Variants in SASH1 observed in about 807,000 individuals in gnomAD.
The protein encoded by SASH1 is SAM and SH3 domain containing 1, also known as SAM and SH3 domain-containing protein 1.
In SASH1, 44 loss-of-function variants were observed where a neutral mutation model predicts 125.2. The observed-to-expected ratio is 0.35, with a 90% confidence interval of 0.28 to 0.45. SASH1 has a LOEUF of 0.45. SASH1 is among the 20% of genes least tolerant of loss of function. The probability of loss-of-function intolerance (pLI) is 1.00; values close to 1 mark genes in which losing one functional copy is unlikely to be tolerated. For synonymous variants in SASH1, 639 were observed against 649.1 expected (o/e 0.98, Z 0.24); for missense variants, 1,426 against 1,614.5 (o/e 0.88, Z 2.00).
chr6:148,526,933 C>T (rs189503717), intron 11 of SASH1, among the ~76,000 whole-genome samples: 81 of 150,656 alleles, frequency 5.4e-4, no homozygotes, highest in Non-Finnish European at 9.4e-4. Context: ...AGTGCAGTGA[C>T]GCGATCTCAG....
chr6:148,341,657 G>GAAAAC (rs536485001), upstream of SASH1, among the ~76,000 whole-genome samples: 283 of 150,906 alleles, frequency 1.9e-3, no homozygotes, highest in Middle Eastern at 6.8e-3. Flanking sequence ...GACTCAGAAG[G>GAAAAC]AAAACAAAAC....
chr6:148,404,249 A>G (rs1255192919), intron 2 of SASH1, among the ~76,000 whole-genome samples: 1 of 152,216 alleles, frequency 6.6e-6, no homozygotes, highest in Non-Finnish European at 1.5e-5. Flanking sequence ...TTATTACAGA[A>G]TGAACCTGCT....
chr6:148,408,020 T>A (rs1041294007), intron 2 of SASH1, among the ~76,000 whole-genome samples: 1 of 152,192 alleles, frequency 6.6e-6, no homozygotes, highest in Non-Finnish European at 1.5e-5. Flanking sequence ...TAATTTCTCG[T>A]CATCCTTGCT....
chr6:148,453,582 A>T (rs564126853), intron 4 of SASH1, among the ~76,000 whole-genome samples: 1 of 152,250 alleles, frequency 6.6e-6, no homozygotes, highest in South Asian at 2.1e-4. Context: ...ACTGCTTCTC[A>T]TCCACCCAAC....
chr6:148,543,688 C>T lies in SASH1; in HGVS notation c.2218C>T (p.Arg740Trp), dbSNP rs1583334771. The change falls in exon 18 of 20, where the codon CGG (arginine) becomes TGG (tryptophan). Residue 740 changes from arginine to tryptophan, a missense_variant. Arg to Trp is a moderately radical substitution (Grantham distance 101, BLOSUM62 -3). Transcript: ENST00000367467. ...ATTCCCTTGTCTCACAGGCAAGACT[C>T]GGAAAGCTAGCCTCCTATCTGCCAA... ...SSENLENGKT[R>W]KASLLSAKSS... 1.6e-5 allele frequency: 25 copies of T among 1,531,852 alleles called. No homozygotes were observed. The highest frequency in any genetic ancestry group is 2.3e-5 in the East Asian group (1 of 44,034). 94.9% of individuals were successfully genotyped at this position (1,531,852 alleles called of 1,614,324 possible). A position where few individuals can be genotyped will look rare whatever the true frequency, so the allele number is the denominator to read the frequency against.
chr6:148,281,458 C>T (rs1779339772), intron 1 of SASH1, among the ~76,000 whole-genome samples: 1 of 152,086 alleles, frequency 6.6e-6, no homozygotes, highest in African/African-American at 2.4e-5. Flanking sequence ...AGGGAATGTG[C>T]AAAGCACAAC....
intron 8 of SASH1, among the ~76,000 whole-genome samples, chr6:148,503,005 C>T (rs28385581): frequency 0.19 from 28,714 of 152,154 alleles, 2,924 homozygotes; most frequent in African/African-American, 0.27. Flanking sequence ...TACCCTCAGA[C>T]GTCTAGATGA....
Position 148,532,706 on chromosome 6 carries a change from A to G in SASH1, c.1565-91A>G, listed in dbSNP as rs1487815458. On this transcript the variant is annotated intron_variant, in intron 13 of 19. Coordinates refer to ENST00000367467, the MANE Select transcript of SASH1 (RefSeq NM_015278.5). The surrounding 1 kb of genome is among the most constrained non-coding windows in gnomAD (Gnocchi z 4.7). Reference sequence around the variant, plus strand: ...CAAGGCTTCCTTTCTCTGGGCCTTCATTTCCTAATCTGCCATACCTTCAAT... The same window carrying G: ...CAAGGCTTCCTTTCTCTGGGCCTTCGTTTCCTAATCTGCCATACCTTCAAT... 2.7e-6 allele frequency: 4 copies of G among 1,467,612 alleles called. No homozygotes were observed. In the African/African-American group the frequency reaches 4.2e-5, roughly 15 times the overall value. 90.9% of individuals were successfully genotyped at this position (1,467,612 alleles called of 1,614,324 possible). A position where few individuals can be genotyped will look rare whatever the true frequency, so the allele number is the denominator to read the frequency against.
intron 2 of SASH1, among the ~76,000 whole-genome samples, chr6:148,420,219 G>A (rs1234782477): frequency 1.3e-5 from 2 of 152,080 alleles, no homozygotes; most frequent in Non-Finnish European, 2.9e-5. Context: ...GTGTGTGTAT[G>A]TAAATTTTAG....
intron 4 of SASH1, among the ~76,000 whole-genome samples, chr6:148,443,293 GT>G (rs1033303997): frequency 6.6e-6 from 1 of 150,718 alleles, no homozygotes; most frequent in East Asian, 1.9e-4. Flanking sequence ...TTGTTTTTGT[GT>G]TTTTTTGCGC....
intron 1 of SASH1, among the ~76,000 whole-genome samples, chr6:148,382,518 G>A (rs1469420502): frequency 1.3e-5 from 2 of 152,148 alleles, no homozygotes; most frequent in Admixed American, 1.3e-4. Flanking sequence ...TCGAATTCCC[G>A]ACCTCAGGTG....
chr6:148,522,316 A>C (rs1158606537), intron 10 of SASH1, among the ~76,000 whole-genome samples: 3 of 144,088 alleles, frequency 2.1e-5, no homozygotes, highest in Admixed American at 2.0e-4. Context: ...GAATGTAAAT[A>C]AGTGTTCTAT....
chr6:148,198,949 C>T, the SASH1 span, among the ~76,000 whole-genome samples: 2 of 152,132 alleles, frequency 1.3e-5, no homozygotes, highest in East Asian at 1.9e-4. Flanking sequence ...GAGTACTTAT[C>T]GGGGCCTGTG....
chr6:148,302,676 CACACGG>C (rs199646672), intron 1 of SASH1, among the ~76,000 whole-genome samples: 8,270 of 79,146 alleles, frequency 0.1, 317 homozygotes, highest in Admixed American at 0.18. Flanking sequence ...CACACACACA[CACACGG>C]AGAAATATAT....
chr6:148,433,145 C>T (rs1048803835), intron 2 of SASH1, among the ~76,000 whole-genome samples: 7 of 152,150 alleles, frequency 4.6e-5, no homozygotes, highest in African/African-American at 1.2e-4. Flanking sequence ...ATTTTTTCTA[C>T]AAATTGTCCA....
intron 2 of SASH1, among the ~76,000 whole-genome samples, chr6:148,434,802 C>T (rs1348614129): frequency 6.6e-6 from 1 of 152,114 alleles, no homozygotes; most frequent in Non-Finnish European, 1.5e-5. Flanking sequence ...GTTCAGCCAC[C>T]AGTGTTGTGT....
At position 148,343,130 on chromosome 6, in the gene SASH1, C is replaced by T; in HGVS notation, c.63C>T (p.Pro21=). ...PEPEPEPEPE[P]EPAPEPEPEP... The stretch of plus-strand genomic sequence containing the variant: ...CTGAGCCCGAGCCCGAGCCGGAGCC[C>T]GAGCCCGCGCCGGAGCCGGAACCGG... The change falls in exon 1 of 20, where the codon CCC becomes CCT. Residue 21 remains proline, a synonymous_variant. Coordinates refer to ENST00000367467, the MANE Select transcript of SASH1 (RefSeq NM_015278.5). 6.8e-7 allele frequency: 1 copy of T among 1,469,718 alleles called. No homozygotes were observed. The allele number at this position is 1,469,718 out of a possible 1,614,324, so 91.0% of individuals were successfully genotyped here.
intron 1 of SASH1, among the ~76,000 whole-genome samples, chr6:148,389,222 G>A (rs1783601666): frequency 6.6e-6 from 1 of 152,196 alleles, no homozygotes; most frequent in Admixed American, 6.5e-5. Context: ...CTTCACACGT[G>A]TTACTCCAGT....
At chr6:148,461,186 G>T (rs905946698) in intron 4 of SASH1, among the ~76,000 whole-genome samples, 2 of 152,190 alleles carry the variant, frequency 1.3e-5, no homozygotes, top group African/African-American at 4.8e-5. Context: ...GCTTAGATTG[G>T]TGGCAGCGCT....
Sources: allele counts gnomAD v4.1 joint callset (sites outside exome capture counted in the v4.1 genomes callset), GRCh38; gene constraint gnomAD v4.1.1; non-coding constraint Gnocchi (gnomAD v3.1); transcripts MANE v1.5; gene names NCBI Gene and HGNC (gene_info 2026-07-23, HGNC 2026-07-21).